Variants in KIAA0232 observed in about 807,000 individuals in gnomAD.
KIAA0232 encodes the protein uncharacterized protein KIAA0232.
KIAA0232 carries 27 observed loss-of-function variants against 122.0 expected under a neutral mutation model. That is an observed-to-expected ratio of 0.22 (90% CI 0.16 to 0.31). KIAA0232 has a LOEUF of 0.31. Among genes scored for constraint, KIAA0232 ranks in the 10% least tolerant of loss-of-function variants. KIAA0232 has a pLI of 1.00. For missense variants in KIAA0232, 1,551 were observed against 1,634.2 expected, an observed-to-expected ratio of 0.95 and a Z score of 0.88; for synonymous variants, 613 against 587.6, an observed-to-expected ratio of 1.04 and a Z score of -0.63.
intron 2 of KIAA0232, among the ~76,000 whole-genome samples, chr4:6,821,680 GTA>G (rs1052135698): frequency 5.0e-4 from 39 of 78,736 alleles, no homozygotes; most frequent in Admixed American, 1.7e-3. Context: ...ATATATACAT[GTA>G]TATATGTGTG....
intron 3 of KIAA0232, among the ~76,000 whole-genome samples, chr4:6,839,264 GCAC>G (rs1719516476): frequency 6.6e-6 from 1 of 152,136 alleles, no homozygotes; most frequent in African/African-American, 2.4e-5. Context: ...TTTTGCATTA[GCAC>G]TTACGTTAGG....
chr4:6,831,809 T>TC (rs1718997063), intron 3 of KIAA0232, among the ~76,000 whole-genome samples: 3 of 152,172 alleles, frequency 2.0e-5, no homozygotes, highest in Admixed American at 2.0e-4. Context: ...TCTCAGGTGT[T>TC]CTCCCTCTGG....
At chr4:6,879,880 C>G (rs1721973779) in intron 9 of KIAA0232, among the ~76,000 whole-genome samples, 3 of 141,188 alleles carry the variant, frequency 2.1e-5, no homozygotes, top group Admixed American at 7.0e-5. Flanking sequence ...ACACACAGGT[C>G]TGCAGTGTCC....
intron 1 of KIAA0232, among the ~76,000 whole-genome samples, chr4:6,783,958 C>A (rs934995104): frequency 3.9e-4 from 59 of 152,126 alleles, no homozygotes; most frequent in Non-Finnish European, 2.9e-5. Flanking sequence ...CCCTAGAATT[C>A]AGCTTGCGTC....
chr4:6,815,669 T>G (rs1480301351), intron 2 of KIAA0232, among the ~76,000 whole-genome samples: 1 of 152,240 alleles, frequency 6.6e-6, no homozygotes, highest in African/African-American at 2.4e-5. Context: ...AAGCTACTTG[T>G]CAGCCTTTAC....
intron 2 of KIAA0232, among the ~76,000 whole-genome samples, chr4:6,820,350 G>A (rs1264072662): frequency 6.6e-6 from 1 of 152,192 alleles, no homozygotes; most frequent in Non-Finnish European, 1.5e-5. Flanking sequence ...ACATCTACCA[G>A]ATTGACATTT....
chr4:6,819,423 C>A (rs1718314403), intron 2 of KIAA0232, among the ~76,000 whole-genome samples: 1 of 152,096 alleles, frequency 6.6e-6, no homozygotes, highest in South Asian at 2.1e-4. Context: ...AAAAAAAAGA[C>A]CCCACTAAAA....
chr4:6,876,969 T>C (rs575933572), intron 9 of KIAA0232, among the ~76,000 whole-genome samples: 15 of 152,334 alleles, frequency 9.8e-5, no homozygotes, highest in African/African-American at 3.1e-4. Flanking sequence ...TGACTGCCAG[T>C]GCTTCCTGAA....
intron 1 of KIAA0232, among the ~76,000 whole-genome samples, chr4:6,786,497 C>CAG (rs551837207): frequency 1.1e-3 from 172 of 152,130 alleles, no homozygotes; most frequent in African/African-American, 3.7e-3. Context: ...TTTGTAGAAA[C>CAG]GGGTCTCCCT....
rs1010489055 is a variant in KIAA0232, at chr4:6,855,028, C to T, written c.370-2136C>T. 1.3e-5 allele frequency among the ~76,000 whole-genome samples: 2 copies of T among 152,030 alleles called. No homozygotes were observed. Among genetic ancestry groups the T allele is most frequent in the African/African-American group, 4.8e-5 (2 of 41,384 alleles). On this transcript the variant is annotated intron_variant, in intron 4 of 9. Coordinates refer to ENST00000307659, the MANE Select transcript of KIAA0232 (RefSeq NM_014743.3). The surrounding 1 kb of genome is among the most constrained non-coding windows in gnomAD (Gnocchi z 4.3). ...CAGCTTCTGCTGTGCCTCTATGCTT[C>T]CCAGCTTGCTGTGATGGTGACCCAG...
intron 1 of KIAA0232, among the ~76,000 whole-genome samples, chr4:6,787,748 G>C (rs1403050739): frequency 6.6e-6 from 1 of 152,084 alleles, no homozygotes; most frequent in African/African-American, 2.4e-5. Flanking sequence ...CTCCTCCTCT[G>C]TTCTGTTGCC....
chr4:6,863,654 G>T lies in KIAA0232; in HGVS notation c.3272G>T (p.Gly1091Val). 2.5e-6 allele frequency: 4 copies of T among 1,614,190 alleles called. 1 individual carries two copies. Among genetic ancestry groups the T allele is most frequent in the South Asian group, 2.2e-5 (2 of 91,080 alleles). ...DSEVFHPRIC[G>V]VDRTQYRAIR... ...GAAGTGTTTCACCCCAGGATATGTG[G>T]TGTTGACAGAACACAATACAGGGCT... Residue 1091 changes from glycine to valine, a missense_variant, in exon 7 of 10, where the codon GGT (glycine) becomes GTT (valine). By Grantham distance (109) the Gly-to-Val change is moderately radical (BLOSUM62 -3). Around this residue, in one of 5 missense-constraint regions of KIAA0232, gnomAD observed 1,108 missense variants for 1,154.8 expected, o/e 0.96. Transcript: ENST00000307659.
chr4:6,810,935 A>G (rs775184839), intron 2 of KIAA0232, among the ~76,000 whole-genome samples: 24 of 152,226 alleles, frequency 1.6e-4, no homozygotes, highest in Non-Finnish European at 2.9e-4. Flanking sequence ...AACAACAACA[A>G]CAACAAAAAG....
intron 4 of KIAA0232, among the ~76,000 whole-genome samples, chr4:6,843,267 A>C (rs1028078579): frequency 6.6e-6 from 1 of 152,196 alleles, no homozygotes; most frequent in Non-Finnish European, 1.5e-5. Flanking sequence ...TGGTTTAAGT[A>C]CCTTTATGAT....
At chr4:6,836,855 G>A (rs1342170144) in intron 3 of KIAA0232, among the ~76,000 whole-genome samples, 6 of 152,116 alleles carry the variant, frequency 3.9e-5, no homozygotes, top group Non-Finnish European at 7.4e-5. Context: ...CAGAGAGCAC[G>A]GGGTTGGGGG....
chr4:6,828,642 A>G (rs1263616682), intron 3 of KIAA0232, among the ~76,000 whole-genome samples: 1 of 152,212 alleles, frequency 6.6e-6, no homozygotes, highest in Admixed American at 6.5e-5. Flanking sequence ...GAAATAGTCC[A>G]ATTCTTTTCT....
At chr4:6,793,584 C>T (rs984125386) in intron 1 of KIAA0232, among the ~76,000 whole-genome samples, 3 of 152,136 alleles carry the variant, frequency 2.0e-5, no homozygotes, top group Admixed American at 6.5e-5. Flanking sequence ...AAAGTTTATT[C>T]ATCAGTCAGG....
At chr4:6,820,466 C>T (rs1423552317) in intron 2 of KIAA0232, among the ~76,000 whole-genome samples, 1 of 152,062 alleles carries the variant, frequency 6.6e-6, no homozygotes, top group African/African-American at 2.4e-5. Context: ...TGTATCTCTG[C>T]CTTTTAATTG....
intron 3 of KIAA0232, among the ~76,000 whole-genome samples, chr4:6,830,703 G>A (rs62289445): frequency 8.5e-5 from 13 of 152,080 alleles, no homozygotes; most frequent in Admixed American, 4.6e-4. Context: ...TGCCATGCCC[G>A]GCCTGTTTTC....
Sources: gnomAD v4.1 joint callset for allele counts (sites outside exome capture counted in the v4.1 genomes callset) on GRCh38, gnomAD v4.1.1 for gene constraint, gnomAD v4.1.1 regional missense constraint, Gnocchi (gnomAD v3.1) non-coding constraint, MANE v1.5 for transcripts, NCBI Gene and HGNC (gene_info 2026-07-23, HGNC 2026-07-21) for gene names.